TTC28: variants seen among roughly 807,000 people sequenced by gnomAD.
The protein encoded by TTC28 is tetratricopeptide repeat protein 28.
In TTC28, 61 loss-of-function variants were observed where a neutral mutation model predicts 198.0. The observed-to-expected ratio is 0.31, with a 90% confidence interval of 0.25 to 0.38. TTC28 has a LOEUF of 0.38. Among genes scored for constraint, TTC28 ranks in the 10% least tolerant of loss-of-function variants. The pLI, the probability that TTC28 is intolerant of heterozygous loss-of-function variation, is 1.00. For missense variants in TTC28, 2,678 were observed against 3,164.0 expected (o/e 0.85, Z 3.69); for synonymous variants, 1,171 against 1,297.8 (o/e 0.90, Z 2.10).
At chr22:28,199,339 G>A (rs1425659148) in intron 5 of TTC28, among the ~76,000 whole-genome samples, 1 of 142,022 alleles carries the variant, frequency 7.0e-6, no homozygotes, top group Non-Finnish European at 1.5e-5. Flanking sequence ...CAAAAAGCAA[G>A]AAGCAAAACA....
chr22:28,056,393 C>G (rs1261537170), intron 12 of TTC28: 2 of 152,254 alleles, frequency 1.3e-5, no homozygotes, highest in Non-Finnish European at 1.5e-5. Flanking sequence ...CTCCTGGGCT[C>G]AAGTGGTCCT....
intron 13 of TTC28, among the ~76,000 whole-genome samples, chr22:28,023,150 T>C (rs901080424): frequency 5.3e-5 from 8 of 152,218 alleles, no homozygotes; most frequent in African/African-American, 1.9e-4. Flanking sequence ...GCTGGGTCCA[T>C]GGTAGGTTCC....
At chr22:28,504,311 G>C (rs1023701816) in intron 2 of TTC28, among the ~76,000 whole-genome samples, 2 of 152,056 alleles carry the variant, frequency 1.3e-5, no homozygotes, top group Non-Finnish European at 2.9e-5. Flanking sequence ...AAGTAATTTT[G>C]AGTTATATAG....
chr22:28,425,883 G>A (rs1317317451), intron 2 of TTC28, among the ~76,000 whole-genome samples: 1 of 152,124 alleles, frequency 6.6e-6, no homozygotes, highest in East Asian at 1.9e-4. Context: ...CTTTGATAGT[G>A]GCTGTCATCA....
chr22:28,658,121 C>T (rs1167210539), intron 1 of TTC28, among the ~76,000 whole-genome samples: 1 of 152,064 alleles, frequency 6.6e-6, no homozygotes, highest in East Asian at 1.9e-4. Context: ...ACTTATGCAT[C>T]TGAAGTTATT....
At chr22:27,984,118 C>T (rs993519000) in intron 22 of TTC28, among the ~76,000 whole-genome samples, 3 of 152,120 alleles carry the variant, frequency 2.0e-5, no homozygotes, top group African/African-American at 4.8e-5. Flanking sequence ...CTGTCACATG[C>T]GGGGTCAGGG....
chr22:28,062,996 G>A (rs1414558597), intron 12 of TTC28, among the ~76,000 whole-genome samples: 2 of 152,110 alleles, frequency 1.3e-5, no homozygotes, highest in Non-Finnish European at 2.9e-5. Context: ...CAAAGGTTAT[G>A]AGGTAGATTT....
At chr22:28,587,661 G>A (rs951864638) in intron 2 of TTC28, among the ~76,000 whole-genome samples, 14 of 151,810 alleles carry the variant, frequency 9.2e-5, no homozygotes, top group African/African-American at 3.4e-4. Flanking sequence ...TGGCCAGGCT[G>A]GTCTCAAACT....
intron 18 of TTC28, 109 bp from the exon 19 acceptor site, chr22:27,992,772 T>G: frequency 9.9e-7 from 1 of 1,011,534 alleles, no homozygotes; most frequent in Non-Finnish European, 1.5e-6. Context: ...GTGGCATTTT[T>G]CAGAAGCTCA....
chr22:27,982,607 C>T lies in TTC28; in HGVS notation c.7060G>A (p.Val2354Met). 1 of 1,551,670 alleles carries T rather than the reference C, an allele frequency of 6.4e-7. No homozygotes were observed. The highest frequency in any genetic ancestry group is 2.4e-5 in the East Asian group (1 of 40,892). The change falls in exon 23 of 23, where the codon GTG becomes ATG. Residue 2354 changes from valine (V) to methionine (M), a missense_variant. Transcript: ENST00000397906. This position sits in a 1 kb window ranked among gnomAD's most constrained non-coding sequence, Gnocchi z 5.2. ...KLKMAAIDEK[V>M]QAVHNLKMFW... ...ATCTTCAGGTTATGGACAGCCTGCA[C>T]CTTTTCATCAATGGCTGCCATTTTC...
At chr22:28,387,185 A>C (rs558112877) in intron 2 of TTC28, among the ~76,000 whole-genome samples, 4 of 152,300 alleles carry the variant, frequency 2.6e-5, no homozygotes, top group African/African-American at 9.6e-5. Context: ...ATCATTTTTT[A>C]TGGCTGCATA....
rs1347750613 is a variant in TTC28, at chr22:28,107,209, G to C, written c.2636C>G (p.Ala879Gly). The C allele has an allele frequency of 1.3e-6, 2 of 1,551,648 alleles. No homozygotes were observed. The highest frequency in any genetic ancestry group is 1.7e-6 in the Non-Finnish European group (2 of 1,146,988). ...GNESVLDRGRAYGNLGDCYEA... is the reference protein window; with the variant it reads ...GNESVLDRGRGYGNLGDCYEA... ...GTAGCAATCCCCCAGGTTGCCATAGGCCCGGCCCCTGTCGAGCACAGACTC... is the reference window on the plus strand; with the variant it reads ...GTAGCAATCCCCCAGGTTGCCATAGCCCCGGCCCCTGTCGAGCACAGACTC... Residue 879 changes from alanine to glycine, a missense_variant, in exon 7 of 23, where the codon GCC becomes GGC. Physicochemically the swap from Ala to Gly is moderately conservative, Grantham distance 60 (BLOSUM62 0). Around this residue, in one of 8 missense-constraint regions of TTC28, gnomAD observed 775 missense variants for 845.9 expected, o/e 0.92. Coordinates refer to ENST00000397906, the MANE Select transcript of TTC28 (RefSeq NM_001145418.2).
chr22:28,404,292 G>A (rs2046965501), intron 2 of TTC28, among the ~76,000 whole-genome samples: 1 of 151,992 alleles, frequency 6.6e-6, no homozygotes, highest in South Asian at 2.1e-4. Context: ...GCTAATTTTT[G>A]TATTTTTAAT....
chr22:28,076,902 T>C (rs778910514), intron 12 of TTC28, among the ~76,000 whole-genome samples: 2 of 152,212 alleles, frequency 1.3e-5, no homozygotes, highest in Non-Finnish European at 2.9e-5. Context: ...CCTAATCCCA[T>C]AGCAATCACT....
chr22:28,597,632 AATT>A (rs773722499), intron 2 of TTC28, among the ~76,000 whole-genome samples: 2 of 152,180 alleles, frequency 1.3e-5, no homozygotes, highest in African/African-American at 4.8e-5. Flanking sequence ...GAATATCACC[AATT>A]ATTATAGAGA....
chr22:28,296,341 G>C lies in TTC28; in HGVS notation c.803-13C>G, dbSNP rs1198424618. ...CCTGTCTGGTCACCTGGATTGAATTGAGAAAAAAAAAAAGAAAAAATTTCT... is the reference window on the plus strand; with the variant it reads ...CCTGTCTGGTCACCTGGATTGAATTCAGAAAAAAAAAAAGAAAAAATTTCT... On this transcript the variant is annotated splice_polypyrimidine_tract_variant and intron_variant, in intron 4 of 22. Coordinates refer to ENST00000397906, the MANE Select transcript of TTC28 (RefSeq NM_001145418.2). The C allele has an allele frequency of 6.9e-7, 1 of 1,458,726 alleles. No homozygotes were observed. The highest frequency in any genetic ancestry group is 9.0e-7 in the Non-Finnish European group (1 of 1,105,956). 90.4% of individuals were successfully genotyped at this position (1,458,726 alleles called of 1,614,324 possible).
rs537248398 is a variant in TTC28 at position 28,513,069 on chromosome 22, G to A, written c.381+116483C>T. Among the ~76,000 whole-genome samples, 4 of 138,610 alleles carry A rather than the reference G, an allele frequency of 2.9e-5. No homozygotes were observed. The South Asian group carries it at 9.4e-4, about 33-fold the overall frequency. The allele number at this position is 138,610 out of a possible 152,430, so 90.9% of individuals were successfully genotyped here. A position where few individuals can be genotyped will look rare whatever the true frequency, so the allele number is the denominator to read the frequency against. ...AACGTAGCTCACTGTAAACTCAAAA[G>A]CTCCTGGATCAGGCGATCCTCTCAC... On this transcript the variant is annotated intron_variant, in intron 2 of 22. Transcript: ENST00000397906.
intron 6 of TTC28, among the ~76,000 whole-genome samples, chr22:28,148,703 A>G (rs1237152032): frequency 6.6e-6 from 1 of 152,136 alleles, no homozygotes; most frequent in African/African-American, 2.4e-5. Flanking sequence ...CTAGAGTATT[A>G]AAGAATTTTA....
intron 2 of TTC28, among the ~76,000 whole-genome samples, chr22:28,495,826 G>A (rs1334367800): frequency 6.6e-6 from 1 of 151,990 alleles, no homozygotes; most frequent in African/African-American, 2.4e-5. Context: ...GGTAGATTTG[G>A]AGGACTTAAT....
Sources: gnomAD v4.1 joint callset for allele counts (sites outside exome capture counted in the v4.1 genomes callset) on GRCh38, gnomAD v4.1.1 for gene constraint, gnomAD v4.1.1 regional missense constraint, Gnocchi (gnomAD v3.1) non-coding constraint, MANE v1.5 for transcripts, NCBI Gene and HGNC (gene_info 2026-07-23, HGNC 2026-07-21) for gene names.